Variants in TNNI3K observed in about 807,000 individuals in gnomAD.
TNNI3K encodes serine/threonine-protein kinase TNNI3K.
Under a neutral mutation model 114.5 loss-of-function variants are expected in TNNI3K, and 140 were observed. The observed-to-expected ratio is 1.22, with a 90% CI of 1.07 to 1.41. TNNI3K has a LOEUF of 1.41. TNNI3K is among the 40% of genes most tolerant of loss of function. TNNI3K has a pLI of 0.00. For missense variants in TNNI3K, 1,125 were observed against 1,007.6 expected (o/e 1.12, Z -1.58); for synonymous variants, 347 against 347.5 (o/e 1.00, Z 0.02).
intron 9 of TNNI3K, among the ~76,000 whole-genome samples, chr1:74,348,979 G>A (rs865774841): frequency 2.0e-5 from 3 of 152,100 alleles, no homozygotes; most frequent in Admixed American, 1.3e-4. Context: ...CTAATTGAAT[G>A]CCCTTTATTT....
At chr1:74,489,329 G>C (rs1485204879) in intron 22 of TNNI3K, 81 bp downstream of exon 22, 12 of 1,456,512 alleles carry the variant, frequency 8.2e-6, no homozygotes, top group African/African-American at 1.4e-5. Context: ...ATGAGCTGGT[G>C]CTTATGAAAA....
intron 23 of TNNI3K, among the ~76,000 whole-genome samples, chr1:74,534,971 G>A (rs965674340): frequency 9.2e-5 from 14 of 152,176 alleles, no homozygotes; most frequent in African/African-American, 3.4e-4. Flanking sequence ...TTAGACAAAA[G>A]CTACTAACAG....
intron 5 of TNNI3K, among the ~76,000 whole-genome samples, chr1:74,311,492 A>G (rs1323582140): frequency 1.3e-5 from 2 of 152,178 alleles, no homozygotes; most frequent in Non-Finnish European, 1.5e-5. Context: ...GTATTTTTCT[A>G]TGAAAATAGC....
chr1:74,485,902 A>C (rs969665709), intron 21 of TNNI3K, among the ~76,000 whole-genome samples: 2 of 152,108 alleles, frequency 1.3e-5, no homozygotes, highest in Non-Finnish European at 2.9e-5. Context: ...ATGCGCTTAA[A>C]AGAGGCCTTG....
chr1:74,415,256 A>G (rs894373139), intron 17 of TNNI3K, among the ~76,000 whole-genome samples: 5 of 152,028 alleles, frequency 3.3e-5, no homozygotes, highest in Admixed American at 6.6e-5. Context: ...CCTGACCATT[A>G]TAGGTCAAAT....
At chr1:74,241,654 T>C (rs1392363183) in intron 2 of TNNI3K, among the ~76,000 whole-genome samples, 1 of 152,160 alleles carries the variant, frequency 6.6e-6, no homozygotes, top group African/African-American at 2.4e-5. Context: ...TTGTTTGAGT[T>C]CATTGTAGAT....
intron 23 of TNNI3K, among the ~76,000 whole-genome samples, chr1:74,510,365 G>A (rs970549526): frequency 2.0e-5 from 3 of 152,004 alleles, no homozygotes; most frequent in Non-Finnish European, 2.9e-5. Flanking sequence ...AATATTAGCC[G>A]GGCATGGTGC....
At chr1:74,270,338 A>T (rs1274137323) in intron 4 of TNNI3K, among the ~76,000 whole-genome samples, 1 of 151,766 alleles carries the variant, frequency 6.6e-6, no homozygotes. Context: ...GAAGGGAATA[A>T]TAGAGATAAA....
chr1:74,445,697 G>A (rs1233728643), intron 20 of TNNI3K, among the ~76,000 whole-genome samples: 5 of 144,048 alleles, frequency 3.5e-5, no homozygotes, highest in South Asian at 2.2e-4. Context: ...TGCAAGTTCC[G>A]CCTCCCGGGT....
chr1:74,278,527 T>G (rs1443258204), intron 5 of TNNI3K, among the ~76,000 whole-genome samples: 1 of 152,190 alleles, frequency 6.6e-6, no homozygotes, highest in African/African-American at 2.4e-5. Flanking sequence ...TTCTGGTGCC[T>G]TTTTGTATGG....
intron 2 of TNNI3K, among the ~76,000 whole-genome samples, chr1:74,237,220 A>G (rs1437430069): frequency 2.0e-5 from 3 of 151,972 alleles, no homozygotes; most frequent in African/African-American, 7.2e-5. Flanking sequence ...TTGGCCCAGG[A>G]TGATGAACTC....
chr1:74,364,946 A>AAAT (rs1190986493), intron 11 of TNNI3K, among the ~76,000 whole-genome samples: 1 of 152,134 alleles, frequency 6.6e-6, no homozygotes, highest in Non-Finnish European at 1.5e-5. Flanking sequence ...ATAAGATAAT[A>AAAT]AATTTGTATT....
intron 17 of TNNI3K, among the ~76,000 whole-genome samples, chr1:74,395,058 G>A (rs1173862827): frequency 6.8e-6 from 1 of 147,478 alleles, no homozygotes; most frequent in African/African-American, 2.6e-5. Flanking sequence ...AAAAAAAAAA[G>A]AGAAAACACT....
intron 20 of TNNI3K, among the ~76,000 whole-genome samples, chr1:74,457,688 A>G (rs909716292): frequency 1.3e-5 from 2 of 152,198 alleles, no homozygotes; most frequent in African/African-American, 4.8e-5. Context: ...TCTCTTTTTA[A>G]TCTTTTTAAT....
chr1:74,489,815 G>T (rs1241163521), intron 22 of TNNI3K, among the ~76,000 whole-genome samples: 1 of 152,056 alleles, frequency 6.6e-6, no homozygotes, highest in Admixed American at 6.6e-5. Context: ...CTGGTCAAGA[G>T]ATAGCATTTC....
intron 20 of TNNI3K, among the ~76,000 whole-genome samples, chr1:74,445,200 A>C (rs533313192): frequency 1.5e-5 from 2 of 136,098 alleles, no homozygotes; most frequent in Middle Eastern, 4.0e-3. Flanking sequence ...AAACTAAAGA[A>C]CTTCTTTTTT....
intron 10 of TNNI3K, 90 bp downstream of exon 10, chr1:74,353,450 T>A: frequency 1.4e-6 from 2 of 1,380,526 alleles, no homozygotes; most frequent in Non-Finnish European, 2.0e-6. Flanking sequence ...GCATTGGGAG[T>A]GCTCAACTCC....
chr1:74,543,390 C>T (rs918769905), intron 24 of TNNI3K, among the ~76,000 whole-genome samples: 15 of 152,148 alleles, frequency 9.9e-5, no homozygotes, highest in African/African-American at 3.6e-4. Context: ...TTTTCTTTAC[C>T]TTCCTTTTTA....
chr1:74,444,862 C>G (rs1322029103), intron 20 of TNNI3K, among the ~76,000 whole-genome samples: 1 of 150,330 alleles, frequency 6.7e-6, no homozygotes, highest in Non-Finnish European at 1.5e-5. Flanking sequence ...GAACAAAGAA[C>G]TCAGAAATAA....
Sources: allele counts gnomAD v4.1 joint callset (sites outside exome capture counted in the v4.1 genomes callset), GRCh38; gene constraint gnomAD v4.1.1; transcripts MANE v1.5; gene names NCBI Gene and HGNC (gene_info 2026-07-23, HGNC 2026-07-21).